Variants in ANKRD27 observed in about 807,000 individuals in gnomAD.
ANKRD27 encodes ankyrin repeat domain 27, also known as ankyrin repeat domain-containing protein 27.
Under a neutral mutation model 129.7 loss-of-function variants are expected in ANKRD27, and 112 were observed. That is an observed-to-expected ratio of 0.86 (90% confidence interval 0.74 to 1.01). The LOEUF (loss-of-function observed/expected upper bound fraction) is 1.01, where lower values mean the gene tolerates loss of function less well. Ranked by LOEUF, ANKRD27 falls within the 50% of genes least tolerant of loss-of-function variation. ANKRD27 has a pLI of 0.00. For synonymous variants in ANKRD27, 516 were observed against 511.2 expected, an observed-to-expected ratio of 1.01 and a Z score of -0.13; for missense variants, 1,258 against 1,300.5, an observed-to-expected ratio of 0.97 and a Z score of 0.50.
chr19:32,619,653 G>A (rs955585388), intron 18 of ANKRD27, 100 bp from the exon 19 acceptor site: 2 of 1,414,894 alleles, frequency 1.4e-6, no homozygotes, highest in African/African-American at 2.8e-5. Context: ...TAGCTCCTCG[G>A]AATGTCAGTG....
chr19:32,615,876 C>T (rs947530906), intron 21 of ANKRD27, 96 bp from the exon 22 acceptor site: 7 of 1,505,400 alleles, frequency 4.6e-6, no homozygotes, highest in Non-Finnish European at 6.2e-6. Flanking sequence ...CCAATCAGGG[C>T]CCACGCTTCC....
chr19:32,644,173 T>A lies in ANKRD27; in HGVS notation c.525+152A>T. The A allele has an allele frequency of 3.2e-6, 3 of 951,926 alleles. No individual in the cohort carries two copies. The South Asian group carries it at 5.4e-5, about 17-fold the overall frequency. 59.0% of individuals were successfully genotyped at this position (951,926 alleles called of 1,614,324 possible). A position where few individuals can be genotyped will look rare whatever the true frequency, so the allele number is the denominator to read the frequency against. ...GACAGGCTTGTACCACCATGCCCGG[T>A]TAAACTACTTTTATAGTTAGAGAGA... On this transcript the variant is annotated intron_variant, in intron 5 of 28. Transcript: ENST00000306065.
At chr19:32,661,217 TTA>T (rs1251166035) in intron 1 of ANKRD27, among the ~76,000 whole-genome samples, 114 of 87,466 alleles carry the variant, frequency 1.3e-3, no homozygotes, top group African/African-American at 3.8e-3. Context: ...AAAAAAAAAA[TTA>T]TACACACACA....
At chr19:32,640,462 G>A (rs1599759043) in intron 10 of ANKRD27, 77 bp from the exon 11 acceptor site, 10 of 1,239,772 alleles carry the variant, frequency 8.1e-6, no homozygotes, top group Middle Eastern at 1.9e-4. Flanking sequence ...CCCTACCACC[G>A]CACACCTTGT....
chr19:32,663,777 C>T (rs1303841049), intron 1 of ANKRD27, among the ~76,000 whole-genome samples: 1 of 152,142 alleles, frequency 6.6e-6, no homozygotes, highest in Non-Finnish European at 1.5e-5. Context: ...AAATAGGGGG[C>T]CGGGTGTGGT....
intron 1 of ANKRD27, among the ~76,000 whole-genome samples, chr19:32,670,923 T>G (rs1471478293): frequency 1.3e-5 from 2 of 151,122 alleles, no homozygotes; most frequent in East Asian, 1.9e-4. Flanking sequence ...GAAGTGGAGG[T>G]TGCAGTGAGC....
intron 2 of ANKRD27, 124 bp downstream of exon 2, chr19:32,658,790 A>G (rs1050997411): frequency 1.2e-5 from 10 of 846,158 alleles, no homozygotes; most frequent in Non-Finnish European, 1.7e-5. Flanking sequence ...CTCACAGACC[A>G]AGCACACTGC....
rs753577055 is a variant in ANKRD27 at position 32,644,314 on chromosome 19, C to A, written c.525+11G>T. On this transcript the variant is annotated intron_variant, in intron 5 of 28. Coordinates refer to ENST00000306065, the MANE Select transcript of ANKRD27 (RefSeq NM_032139.3). ...AGGGCACGCCAGGCAGAGGACAGCACGGCTACTGACTATGTGGTGACGGAG... is the reference window on the plus strand; with the variant it reads ...AGGGCACGCCAGGCAGAGGACAGCAAGGCTACTGACTATGTGGTGACGGAG... The A allele has an allele frequency of 1.2e-6, 2 of 1,609,874 alleles. No individual in the cohort carries two copies. The highest frequency in any genetic ancestry group is 1.7e-5 in the Admixed American group (1 of 59,966).
At chr19:32,608,501 C>A (rs1226153127) in intron 22 of ANKRD27, 4 of 232,752 alleles carry the variant, frequency 1.7e-5, no homozygotes, top group African/African-American at 2.3e-5. Context: ...AAAAATGTTA[C>A]CTCTTTAAAA....
chr19:32,602,261 G>C (rs925611125), intron 25 of ANKRD27, 135 bp from the exon 26 acceptor site: 10 of 620,356 alleles, frequency 1.6e-5, no homozygotes, highest in Non-Finnish European at 2.5e-5. Context: ...ATGGAGCTTG[G>C]AGGCCATAAA....
At chr19:32,644,230 A>G in intron 5 of ANKRD27, 95 bp downstream of exon 5, 3 of 1,369,202 alleles carry the variant, frequency 2.2e-6, no homozygotes, top group Non-Finnish European at 3.0e-6. Context: ...ACAGTGAGGC[A>G]GCACCAGGCA....
Position 32,605,737 on chromosome 19 carries a change from G to C in ANKRD27, c.2493+98C>G, listed in dbSNP as rs576191680. ...AGAGGCCTGGGGTTGATGGGTGGCC[G>C]GGCCTCTCCATCCCCAGTGCGCTGC... On this transcript the variant is annotated intron_variant, in intron 24 of 28. Coordinates refer to ENST00000306065, the MANE Select transcript of ANKRD27 (RefSeq NM_032139.3). The C allele has an allele frequency of 2.5e-5, 38 of 1,507,834 alleles. No individual in the cohort carries two copies. In the East Asian group the frequency reaches 9.0e-4, roughly 36 times the overall value. The allele number at this position is 1,507,834 out of a possible 1,614,324, so 93.4% of individuals were successfully genotyped here.
chr19:32,645,706 C>T (rs1967289965), intron 4 of ANKRD27, among the ~76,000 whole-genome samples: 1 of 152,014 alleles, frequency 6.6e-6, no homozygotes, highest in Admixed American at 6.6e-5. Context: ...GATCTCGGCT[C>T]ACCACAGTCT....
intron 1 of ANKRD27, among the ~76,000 whole-genome samples, chr19:32,674,686 T>C (rs889090236): frequency 6.7e-6 from 1 of 149,272 alleles, no homozygotes; most frequent in Non-Finnish European, 1.5e-5. Context: ...GCCGCTCCCC[T>C]CCAGCAGACC....
rs1966982031 is a variant in ANKRD27, at chr19:32,630,982, GAA to G, written c.1209+418_1209+419del. On this transcript the variant is annotated intron_variant, in intron 13 of 28. Transcript: ENST00000306065. Reference sequence around the variant, plus strand: ...ATTCCTACTGCCCATTCTGAGCACAGAATGGAACTTCAGGGTTTATGCAGACC... The same window carrying G: ...ATTCCTACTGCCCATTCTGAGCACAGTGGAACTTCAGGGTTTATGCAGACC... Among the ~76,000 whole-genome samples, 4 of 151,892 alleles carry G rather than the reference GAA, an allele frequency of 2.6e-5. No individual in the cohort carries two copies. The South Asian group carries it at 8.3e-4, about 32-fold the overall frequency.
chr19:32,673,982 CAAAAAAAAA>C (rs59398609), intron 1 of ANKRD27, among the ~76,000 whole-genome samples: 6,233 of 110,962 alleles, frequency 0.056, 237 homozygotes, highest in East Asian at 0.25. Context: ...TCCATCTCTA[CAAAAAAAAA>C]AAAAAAAAAT....
intron 18 of ANKRD27, 114 bp downstream of exon 18, chr19:32,622,308 C>A (rs889854813): frequency 1.1e-5 from 12 of 1,122,014 alleles, no homozygotes; most frequent in Non-Finnish European, 1.4e-5. Context: ...AGGGTGCAAG[C>A]CAAGTTCTGC....
chr19:32,664,055 C>CAAAAAAA (rs869264224), intron 1 of ANKRD27, among the ~76,000 whole-genome samples: 6 of 31,316 alleles, frequency 1.9e-4, no homozygotes, highest in East Asian at 7.9e-4. Context: ...GACTCTGTCT[C>CAAAAAAA]AAAAAAAAAA....
rs562526518 is a variant in ANKRD27 at position 32,664,045 on chromosome 19, G to C, written c.-30-5000C>G. 3.0e-5 allele frequency among the ~76,000 whole-genome samples: 3 copies of C among 99,080 alleles called. No individual in the cohort carries two copies. The South Asian group carries it at 1.1e-3, about 37-fold the overall frequency. 65.0% of individuals were successfully genotyped at this position (99,080 alleles called of 152,430 possible). ...CACTCCAGCCTGGGCGACAGAGCGA[G>C]ACTCTGTCTCAAAAAAAAAAAAAAA... On this transcript the variant is annotated intron_variant, in intron 1 of 28. Coordinates refer to ENST00000306065, the MANE Select transcript of ANKRD27 (RefSeq NM_032139.3).
Sources: gnomAD v4.1 joint callset for allele counts (sites outside exome capture counted in the v4.1 genomes callset) on GRCh38, gnomAD v4.1.1 for gene constraint, MANE v1.5 for transcripts, NCBI Gene and HGNC (gene_info 2026-07-23, HGNC 2026-07-21) for gene names.